The following CELF2 variants were observed in gnomAD, a reference collection of about 807,000 sequenced individuals.
CELF2 encodes CUG triplet repeat RNA-binding protein 2.
CELF2 carries 8 observed loss-of-function variants against 62.6 expected under a neutral mutation model. That is an observed-to-expected ratio of 0.13 (90% CI 0.07 to 0.23). The LOEUF (loss-of-function observed/expected upper bound fraction) is 0.23. Ranked by LOEUF, CELF2 falls within the 10% of genes least tolerant of loss-of-function variation. The pLI is 1.00. For synonymous variants in CELF2, 258 were observed against 250.0 expected (o/e 1.03, Z -0.30); for missense variants, 333 against 671.0 (o/e 0.50, Z 5.56).
chr10:10,744,808 T>G, the CELF2 span, among the ~76,000 whole-genome samples: 1 of 152,068 alleles, frequency 6.6e-6, no homozygotes, highest in Non-Finnish European at 1.5e-5. Flanking sequence ...GGATAAAAAT[T>G]TGTAAGTCAT....
At chr10:10,522,834 T>G in the CELF2 span, among the ~76,000 whole-genome samples, 9 of 152,276 alleles carry the variant, frequency 5.9e-5, no homozygotes, top group Non-Finnish European at 1.0e-4. Flanking sequence ...CCTCCCAAAG[T>G]GCTGGGATTA....
chr10:10,920,170 C>T (rs1187316589), intron 2 of CELF2, among the ~76,000 whole-genome samples: 1 of 152,198 alleles, frequency 6.6e-6, no homozygotes, highest in African/African-American at 2.4e-5. Context: ...GTCACATATA[C>T]ATGATGTAAC....
chr10:10,739,093 G>A, the CELF2 span, among the ~76,000 whole-genome samples: 1 of 151,792 alleles, frequency 6.6e-6, no homozygotes, highest in Non-Finnish European at 1.5e-5. Flanking sequence ...TACAAAATAT[G>A]TTACCAACTT....
Position 10,997,140 on chromosome 10 carries a change from A to G in CELF2, c.89+77141A>G, listed in dbSNP as rs1407933461. ...GATGCCCATCCCTTCCACGTACTGC[A>G]TGTGTCAGCTTGGGCCGTTTTTAAT... On this transcript the variant is annotated intron_variant, in intron 2 of 13. Coordinates refer to the CELF2 transcript ENST00000636488. The surrounding 1 kb of genome is among the most constrained non-coding windows in gnomAD (Gnocchi z 5.3). Among the ~76,000 whole-genome samples the G allele has an allele frequency of 6.6e-6, 1 of 152,060 alleles. No homozygotes were observed. The highest frequency in any genetic ancestry group is 1.5e-5 in the Non-Finnish European group (1 of 68,012).
Position 10,932,040 on chromosome 10 carries a change from C to T in CELF2, c.89+12041C>T, listed in dbSNP as rs901404892. ...GATTCCATTACCTCCCACCAGGCCC[C>T]TCCCACAGTGTGTGGGAATTCAAAA... On this transcript the variant is annotated intron_variant, in intron 2 of 13. Transcript: ENST00000636488. Among the ~76,000 whole-genome samples the T allele has an allele frequency of 3.9e-5, 6 of 152,136 alleles. No homozygotes were observed. In the South Asian group the frequency reaches 1.2e-3, roughly 32 times the overall value.
intron 2 of CELF2, among the ~76,000 whole-genome samples, chr10:10,994,423 G>T (rs2053741152): frequency 6.6e-6 from 1 of 152,192 alleles, no homozygotes; most frequent in African/African-American, 2.4e-5. Context: ...GTTGAATGCA[G>T]ATTCCTTTGC....
In CELF2 at chr10:11,106,529, G is replaced by A. The variant is rs528225614; in HGVS notation, c.75-58957G>A. Among the ~76,000 whole-genome samples the A allele has an allele frequency of 1.3e-4, 20 of 152,332 alleles. No homozygotes were observed. In the South Asian group the frequency reaches 1.9e-3, roughly 14 times the overall value. ...TGGGATTATAGGCGTGAGCCACTGCGCCCAGCCCATCTTGACACTTTTAAT... is the reference window on the plus strand; with the variant it reads ...TGGGATTATAGGCGTGAGCCACTGCACCCAGCCCATCTTGACACTTTTAAT... On this transcript the variant is annotated intron_variant, in intron 1 of 12. Transcript: ENST00000633077.
chr10:10,679,684 T>C, the CELF2 span, among the ~76,000 whole-genome samples: 373 of 152,352 alleles, frequency 2.4e-3, 4 homozygotes, highest in African/African-American at 8.6e-3. Context: ...ATCCATCTAG[T>C]TTCCACAATT....
At chr10:10,910,051 G>T (rs551296487) in intron 1 of CELF2, among the ~76,000 whole-genome samples, 1 of 152,250 alleles carries the variant, frequency 6.6e-6, no homozygotes, top group East Asian at 1.9e-4. Context: ...ATCCCTCTTT[G>T]ATCCAGAAAT....
rs1487232553 is a variant in CELF2, at chr10:10,936,184, TAAAG to T, written c.89+16187_89+16190del. Among the ~76,000 whole-genome samples, 1 of 151,184 alleles carries T rather than the reference TAAAG, an allele frequency of 6.6e-6. No individual in the cohort carries two copies. Among genetic ancestry groups the T allele is most frequent in the African/African-American group, 2.4e-5 (1 of 41,084 alleles). On this transcript the variant is annotated intron_variant, in intron 2 of 13. Coordinates refer to the CELF2 transcript ENST00000636488. This position sits in a 1 kb window ranked among gnomAD's most constrained non-coding sequence, Gnocchi z 4.0. ...CTCACAAAAAAAATAAATAAAATAATAAAGAGAGAGAAAAGAAAGAAACAATAAG... is the reference window on the plus strand; with the variant it reads ...CTCACAAAAAAAATAAATAAAATAATAGAGAGAAAAGAAAGAAACAATAAG...
chr10:10,996,363 G>T (rs2053949452), intron 2 of CELF2, among the ~76,000 whole-genome samples: 1 of 152,194 alleles, frequency 6.6e-6, no homozygotes, highest in South Asian at 2.1e-4. Flanking sequence ...AGAAATGAGG[G>T]CAAGGAGCTG....
intron 1 of CELF2, among the ~76,000 whole-genome samples, chr10:10,887,476 T>C (rs985390284): frequency 6.6e-6 from 1 of 152,210 alleles, no homozygotes; most frequent in African/African-American, 2.4e-5. Context: ...CAAAGTTCAA[T>C]TGAATTGACT....
chr10:11,058,567 A>G (rs2065930132), intron 1 of CELF2, among the ~76,000 whole-genome samples: 1 of 150,082 alleles, frequency 6.7e-6, no homozygotes, highest in Non-Finnish European at 1.5e-5. Context: ...CCCAGGTTCA[A>G]GCGATTCTCC....
chr10:10,558,320 T>C, the CELF2 span, among the ~76,000 whole-genome samples: 1 of 151,718 alleles, frequency 6.6e-6, no homozygotes, highest in Non-Finnish European at 1.5e-5. Context: ...TGGTTCTGTT[T>C]ATATGCTGGA....
chr10:10,694,790 C>G, the CELF2 span, among the ~76,000 whole-genome samples: 41 of 150,430 alleles, frequency 2.7e-4, no homozygotes, highest in South Asian at 2.3e-3. Context: ...CTCTTTTGAT[C>G]TTTGTTGGTT....
At chr10:10,675,022 C>A in the CELF2 span, among the ~76,000 whole-genome samples, 4 of 152,100 alleles carry the variant, frequency 2.6e-5, no homozygotes, top group Non-Finnish European at 4.4e-5. Flanking sequence ...CATACTGTTA[C>A]CTGTTAGATA....
chr10:11,227,649 A>C lies in CELF2; in HGVS notation c.354+10142A>C, dbSNP rs1264972993. ...GGAATCTAAGGGATAGAGATGTATC[A>C]TGAGGTGGAAGCTCAGGCTACCTCT... On this transcript the variant is annotated intron_variant, in intron 3 of 12. Transcript: ENST00000633077. This position sits in a 1 kb window ranked among gnomAD's most constrained non-coding sequence, Gnocchi z 4.8. 6.6e-6 allele frequency among the ~76,000 whole-genome samples: 1 copy of C among 152,210 alleles called. No individual in the cohort carries two copies. Among genetic ancestry groups the C allele is most frequent in the Non-Finnish European group, 1.5e-5 (1 of 68,040 alleles).
At chr10:10,721,852 A>G in the CELF2 span, among the ~76,000 whole-genome samples, 1 of 152,208 alleles carries the variant, frequency 6.6e-6, no homozygotes, top group Non-Finnish European at 1.5e-5. Context: ...GATAGATCCC[A>G]GAGCCTGGCA....
chr10:10,923,660 A>G (rs1044737962), intron 2 of CELF2, among the ~76,000 whole-genome samples: 5 of 152,236 alleles, frequency 3.3e-5, no homozygotes, highest in Non-Finnish European at 7.3e-5. Context: ...GTCACCAGAA[A>G]AAAATTAGAT....
Sources: gnomAD v4.1 joint callset for allele counts (sites outside exome capture counted in the v4.1 genomes callset) on GRCh38, gnomAD v4.1.1 for gene constraint, Gnocchi (gnomAD v3.1) non-coding constraint, MANE v1.5 for transcripts, NCBI Gene and HGNC (gene_info 2026-07-23, HGNC 2026-07-21) for gene names.